SYNJ2: variants seen among roughly 807,000 people sequenced by gnomAD.
SYNJ2 encodes polyphosphatidylinositol phosphatase SYNJ2.
SYNJ2 carries 116 observed loss-of-function variants against 141.3 expected under a neutral mutation model. The observed-to-expected ratio is 0.82, with a 90% CI of 0.71 to 0.96. The LOEUF is 0.96. Ranked by LOEUF, SYNJ2 falls within the 40% of genes least tolerant of loss-of-function variation. The pLI, the probability that SYNJ2 is intolerant of heterozygous loss-of-function variation, is 0.00. For missense variants in SYNJ2, 1,873 were observed against 1,934.8 expected (o/e 0.97, Z 0.60); for synonymous variants, 745 against 777.7 (o/e 0.96, Z 0.70).
rs61742384 is a variant in SYNJ2, at chr6:158,096,002, G to A, written c.4129G>A (p.Val1377Ile). The change falls in exon 27 of 27, where the codon GTC (valine) becomes ATC (isoleucine). Residue 1377 changes from valine to isoleucine, a missense_variant. By Grantham distance (29) the Val-to-Ile change is conservative (BLOSUM62 3). Coordinates refer to ENST00000355585, the MANE Select transcript of SYNJ2 (RefSeq NM_003898.4). ...PSGHPPAAGTVFPQGDFLSTS... is the reference protein window; with the variant it reads ...PSGHPPAAGTIFPQGDFLSTS... ...TGGGCACCCACCTGCCGCGGGCACC[G>A]TCTTCCCACAAGGGGACTTTCTCAG... 8.2e-4 allele frequency: 1,319 copies of A among 1,614,166 alleles called. 11 individuals carry two copies. The African/African-American group carries it at 0.015, about 18-fold the overall frequency.
intron 1 of SYNJ2, among the ~76,000 whole-genome samples, chr6:157,989,704 C>T (rs1032542750): frequency 6.6e-6 from 1 of 152,016 alleles, no homozygotes; most frequent in African/African-American, 2.4e-5. Context: ...GAGGCTGATG[C>T]GGCCCCAAGG....
Position 158,043,441 on chromosome 6 carries a change from C to T in SYNJ2, c.795+42C>T. ...CTTAAATGTCCCCTTGTGATGTTGTCCGCCCTGCCCTTCCCTTCAATAGCT... is the reference window on the plus strand; with the variant it reads ...CTTAAATGTCCCCTTGTGATGTTGTTCGCCCTGCCCTTCCCTTCAATAGCT... On this transcript the variant is annotated intron_variant, in intron 5 of 26. Transcript: ENST00000355585. The surrounding 1 kb of genome is among the most constrained non-coding windows in gnomAD (Gnocchi z 4.0). 1 of 1,423,290 alleles carries T rather than the reference C, an allele frequency of 7.0e-7. No individual in the cohort carries two copies. Among genetic ancestry groups the T allele is most frequent in the Non-Finnish European group, 9.9e-7 (1 of 1,011,996 alleles). The allele number at this position is 1,423,290 out of a possible 1,614,324, so 88.2% of individuals were successfully genotyped here. A position where few individuals can be genotyped will look rare whatever the true frequency, so the allele number is the denominator to read the frequency against.
intron 20 of SYNJ2, 148 bp from the exon 21 acceptor site, chr6:158,083,281 G>A: frequency 1.1e-6 from 1 of 896,060 alleles, no homozygotes; most frequent in Non-Finnish European, 1.7e-6. Flanking sequence ...TGCTGAGCCT[G>A]CGTGAGGTCT....
intron 26 of SYNJ2, among the ~76,000 whole-genome samples, chr6:158,094,986 AC>A (rs1783710465): frequency 6.6e-6 from 1 of 152,072 alleles, no homozygotes; most frequent in Non-Finnish European, 1.5e-5. Flanking sequence ...CGTCTCTACT[AC>A]AAAATACAAA....
intron 12 of SYNJ2, 121 bp downstream of exon 12, chr6:158,066,756 A>G (rs1781593790): frequency 1.7e-6 from 2 of 1,143,586 alleles, no homozygotes; most frequent in Non-Finnish European, 2.5e-6. Flanking sequence ...CCTCCTCACA[A>G]TGTCTAAATA....
intron 3 of SYNJ2, among the ~76,000 whole-genome samples, chr6:158,032,188 C>G (rs1355509427): frequency 3.9e-5 from 6 of 151,968 alleles, no homozygotes; most frequent in African/African-American, 1.5e-4. Flanking sequence ...GCGGGCTGTG[C>G]TCCCTGTGGG....
At chr6:158,041,958 T>G (rs536909316) in intron 4 of SYNJ2, among the ~76,000 whole-genome samples, 3 of 152,350 alleles carry the variant, frequency 2.0e-5, no homozygotes, top group East Asian at 3.9e-4. Flanking sequence ...CAAGCCCGCC[T>G]CCCACCTTGG....
chr6:158,095,166 T>C (rs1215403483), intron 26 of SYNJ2, among the ~76,000 whole-genome samples: 1 of 151,256 alleles, frequency 6.6e-6, no homozygotes, highest in East Asian at 1.9e-4. Context: ...AAAAAAAAAT[T>C]CAAGGAGAAA....
chr6:158,080,436 C>T (rs565875246), intron 18 of SYNJ2, among the ~76,000 whole-genome samples: 299 of 150,192 alleles, frequency 2.0e-3, no homozygotes, highest in African/African-American at 7.0e-3. Flanking sequence ...GATCGCGCCA[C>T]TGCACTCCAG....
rs962215825 is a variant in SYNJ2, at chr6:158,097,153, G to A, written c.*789G>A. ...TAGTCCTTATTAAATGAAACCTCAC[G>A]GATCCTTTGTTCCGCTTATATTCCA... On this transcript the variant is annotated 3_prime_UTR_variant, in exon 27 of 27. Coordinates refer to ENST00000355585, the MANE Select transcript of SYNJ2 (RefSeq NM_003898.4). The A allele has an allele frequency of 3.3e-5, 5 of 152,168 alleles. No individual in the cohort carries two copies. The highest frequency in any genetic ancestry group is 7.2e-5 in the African/African-American group (3 of 41,410). The allele number at this position is 152,168 out of a possible 1,614,324, so 9.4% of individuals were successfully genotyped here. A position where few individuals can be genotyped will look rare whatever the true frequency, so the allele number is the denominator to read the frequency against.
chr6:158,028,694 T>C, intron 2 of SYNJ2, 62 bp from the exon 3 acceptor site: 1 of 1,580,516 alleles, frequency 6.3e-7, no homozygotes, highest in South Asian at 1.2e-5. Flanking sequence ...TTTGTCCCCT[T>C]GGAGCTCCAG....
chr6:157,985,400 G>A (rs1413643914), intron 1 of SYNJ2, among the ~76,000 whole-genome samples: 2 of 152,138 alleles, frequency 1.3e-5, no homozygotes, highest in Non-Finnish European at 2.9e-5. Flanking sequence ...ATCAGTGGGA[G>A]CAAAAATTCC....
chr6:157,992,909 G>T (rs969275997), intron 1 of SYNJ2, among the ~76,000 whole-genome samples: 1 of 152,214 alleles, frequency 6.6e-6, no homozygotes, highest in Non-Finnish European at 1.5e-5. Context: ...TAACATGGGA[G>T]TGCAGACATC....
chr6:158,066,924 A>G (rs1583450447), intron 12 of SYNJ2, among the ~76,000 whole-genome samples: 1 of 152,104 alleles, frequency 6.6e-6, no homozygotes, highest in African/African-American at 2.4e-5. Context: ...TCTTTTCGTC[A>G]CCAGTCGGAA....
At position 158,074,640 on chromosome 6, in the gene SYNJ2, G is replaced by T; in HGVS notation, c.2194G>T (p.Asp732Tyr). The T allele has an allele frequency of 6.2e-7, 1 of 1,614,010 alleles. No individual in the cohort carries two copies. Among genetic ancestry groups the T allele is most frequent in the South Asian group, 1.1e-5 (1 of 91,036 alleles). Residue 732 changes from aspartate to tyrosine, a missense_variant, in exon 16 of 27, where the codon GAT becomes TAT. By Grantham distance (160) the Asp-to-Tyr change is radical. Transcript: ENST00000355585. ...FWCGDFNYRI[D>Y]LTYEEVFYFV... Reference sequence around the variant, plus strand: ...GTGTGGCGATTTCAACTACCGCATTGATCTTACTTATGAAGAAGTCTTCTA... The same window carrying T: ...GTGTGGCGATTTCAACTACCGCATTTATCTTACTTATGAAGAAGTCTTCTA...
At chr6:158,034,440 G>A (rs960277913) in intron 4 of SYNJ2, among the ~76,000 whole-genome samples, 5 of 152,226 alleles carry the variant, frequency 3.3e-5, no homozygotes, top group African/African-American at 4.8e-5. Flanking sequence ...CCTCGCTGCC[G>A]CTGCTGGGAG....
At chr6:157,987,074 C>T (rs1777234967) in intron 1 of SYNJ2, among the ~76,000 whole-genome samples, 2 of 152,160 alleles carry the variant, frequency 1.3e-5, no homozygotes, top group Non-Finnish European at 2.9e-5. Flanking sequence ...GCAACCTCTT[C>T]CTCCCAGGTT....
Position 157,982,024 on chromosome 6 carries a change from G to T in SYNJ2, c.63G>T (p.Val21=). ...GRLGAEGDCS[V]LLEARGRDDC... is the part of the protein sequence containing the mutation. Reference sequence around the variant, plus strand: ...TGGGGGCCGAGGGGGACTGTAGCGTGCTGCTGGAGGCGCGCGGCCGCGACG... The same window carrying T: ...TGGGGGCCGAGGGGGACTGTAGCGTTCTGCTGGAGGCGCGCGGCCGCGACG... The change falls in exon 1 of 27, where the codon GTG becomes GTT. Residue 21 remains valine, a synonymous_variant. Transcript: ENST00000355585. The surrounding 1 kb of genome is among the most constrained non-coding windows in gnomAD (Gnocchi z 4.0). 1 of 1,334,226 alleles carries T rather than the reference G, an allele frequency of 7.5e-7. No individual in the cohort carries two copies. The highest frequency in any genetic ancestry group is 3.1e-5 in the East Asian group (1 of 32,726). 82.6% of individuals were successfully genotyped at this position (1,334,226 alleles called of 1,614,324 possible). A position where few individuals can be genotyped will look rare whatever the true frequency, so the allele number is the denominator to read the frequency against.
At chr6:158,066,318 A>G (rs1781560993) in intron 11 of SYNJ2, 126 bp from the exon 12 acceptor site, 3 of 1,077,670 alleles carry the variant, frequency 2.8e-6, no homozygotes, top group East Asian at 2.5e-5. Flanking sequence ...CGTAAGGAGC[A>G]TACCCTGGTT....
Sources: allele counts gnomAD v4.1 joint callset (sites outside exome capture counted in the v4.1 genomes callset), GRCh38; gene constraint gnomAD v4.1.1; non-coding constraint Gnocchi (gnomAD v3.1); transcripts MANE v1.5; gene names NCBI Gene and HGNC (gene_info 2026-07-23, HGNC 2026-07-21).